NRG3: variants seen among roughly 807,000 people sequenced by gnomAD.
The protein encoded by NRG3 is neuregulin 3.
In NRG3, 31 loss-of-function variants were observed where a neutral mutation model predicts 66.9. That is an observed-to-expected ratio of 0.46 (90% CI 0.35 to 0.63). The LOEUF is 0.63. Among genes scored for constraint, NRG3 ranks in the 20% least tolerant of loss-of-function variants. NRG3 has a pLI of 0.00. For synonymous variants in NRG3, 393 were observed against 359.4 expected (o/e 1.09, Z -1.06); for missense variants, 910 against 878.9 (o/e 1.04, Z -0.45).
intron 1 of NRG3, among the ~76,000 whole-genome samples, chr10:81,913,265 C>T (rs985783764): frequency 2.0e-5 from 3 of 152,126 alleles, no homozygotes; most frequent in Admixed American, 6.5e-5. Context: ...TGTACTTCTC[C>T]TCCTCACCAC....
chr10:81,875,214 C>G lies in NRG3; in HGVS notation c.-127C>G. ...GGAGCGGATTTGCATGCGGCCGCCGCGGCCGCTGCCTGCGCCCGAGCCCGC... is the reference window on the plus strand; with the variant it reads ...GGAGCGGATTTGCATGCGGCCGCCGGGGCCGCTGCCTGCGCCCGAGCCCGC... On this transcript the variant is annotated 5_prime_UTR_variant, in exon 1 of 9. Transcript: ENST00000372141. This position sits in a 1 kb window ranked among gnomAD's most constrained non-coding sequence, Gnocchi z 5.3. The G allele has an allele frequency of 2.6e-6, 1 of 389,284 alleles. No homozygotes were observed. Among genetic ancestry groups the G allele is most frequent in the Non-Finnish European group, 3.5e-6 (1 of 288,198 alleles). The allele number at this position is 389,284 out of a possible 1,614,324, so 24.1% of individuals were successfully genotyped here.
chr10:82,312,368 C>G lies in NRG3; in HGVS notation c.824-46371C>G, dbSNP rs572012325. On this transcript the variant is annotated intron_variant, in intron 1 of 8. Coordinates refer to ENST00000372141, the MANE Select transcript of NRG3 (RefSeq NM_001010848.4). ...CTTGAGAAAGTGTCCAAGCAAGCAG[C>G]AAAACTTATCCCTAGAAAAACTCAT... 5.3e-5 allele frequency among the ~76,000 whole-genome samples: 8 copies of G among 152,194 alleles called. No individual in the cohort carries two copies. In the East Asian group the frequency reaches 1.2e-3, roughly 22 times the overall value.
intron 1 of NRG3, among the ~76,000 whole-genome samples, chr10:82,216,490 CTCTA>C (rs1373652374): frequency 7.9e-5 from 11 of 139,992 alleles, no homozygotes; most frequent in Admixed American, 1.4e-4. Flanking sequence ...GTGTATGTGT[CTCTA>C]TCTATACATA....
intron 3 of NRG3, among the ~76,000 whole-genome samples, chr10:82,843,455 C>T (rs2063159717): frequency 6.6e-6 from 1 of 152,170 alleles, no homozygotes; most frequent in East Asian, 1.9e-4. Flanking sequence ...TATTTCTATT[C>T]ATCGTAAATT....
At chr10:82,866,906 G>A (rs1173689376) in intron 4 of NRG3, among the ~76,000 whole-genome samples, 2 of 152,098 alleles carry the variant, frequency 1.3e-5, no homozygotes, top group African/African-American at 4.8e-5. Flanking sequence ...GGACTTGAGA[G>A]GACATAGTTT....
At chr10:81,945,768 C>A (rs753815781) in intron 1 of NRG3, among the ~76,000 whole-genome samples, 7 of 152,080 alleles carry the variant, frequency 4.6e-5, no homozygotes, top group African/African-American at 7.2e-5. Context: ...AAGATGAGGT[C>A]ATACTGGAGT....
chr10:82,176,575 T>C (rs974872678), intron 1 of NRG3, among the ~76,000 whole-genome samples: 17 of 152,130 alleles, frequency 1.1e-4, no homozygotes, highest in African/African-American at 3.4e-4. Context: ...ATTGAGCTGA[T>C]TGAACTCCTT....
At chr10:82,619,185 A>G (rs1168884824) in intron 2 of NRG3, among the ~76,000 whole-genome samples, 1 of 152,168 alleles carries the variant, frequency 6.6e-6, no homozygotes, top group African/African-American at 2.4e-5. Flanking sequence ...AATTGGACAT[A>G]TAATATTTAG....
chr10:82,869,180 T>TTG (rs145543060), intron 4 of NRG3, among the ~76,000 whole-genome samples: 8 of 152,000 alleles, frequency 5.3e-5, no homozygotes, highest in East Asian at 1.9e-4. Flanking sequence ...CTAGTTCTAT[T>TTG]TGTGTGTGTG....
At chr10:82,912,888 T>A (rs1436521209) in intron 4 of NRG3, among the ~76,000 whole-genome samples, 1 of 152,222 alleles carries the variant, frequency 6.6e-6, no homozygotes, top group Non-Finnish European at 1.5e-5. Context: ...AATCTATGCC[T>A]ACTTTCAAAT....
At chr10:82,226,239 C>T (rs994202397) in intron 1 of NRG3, among the ~76,000 whole-genome samples, 4 of 152,124 alleles carry the variant, frequency 2.6e-5, no homozygotes, top group African/African-American at 7.2e-5. Flanking sequence ...GACCAGTTTT[C>T]CTCACCAGGG....
Position 81,875,371 on chromosome 10 carries a change from C to T in NRG3, c.31C>T (p.Pro11Ser). 3.0e-6 allele frequency: 3 copies of T among 992,538 alleles called. No homozygotes were observed. Among genetic ancestry groups the T allele is most frequent in the Middle Eastern group, 4.6e-4 (1 of 2,192 alleles). The allele number at this position is 992,538 out of a possible 1,614,324, so 61.5% of individuals were successfully genotyped here. A position where few individuals can be genotyped will look rare whatever the true frequency, so the allele number is the denominator to read the frequency against. ...TGAAGGGGCGGCCGCTGCCTCGCCA[C>T]CTGGTGCCGCTTCGGCAGCCGCCGC... Reference protein sequence around the residue: MSEGAAAASPPGAASAAAASA... With the variant: MSEGAAAASPSGAASAAAASA... The change falls in exon 1 of 9, where the codon CCT (proline) becomes TCT (serine). Residue 11 changes from proline to serine, a missense_variant. Pro to Ser is a moderately conservative substitution (Grantham distance 74). Transcript: ENST00000372141. The surrounding 1 kb of genome is among the most constrained non-coding windows in gnomAD (Gnocchi z 5.3).
At chr10:82,390,767 A>G (rs761505009) in intron 2 of NRG3, among the ~76,000 whole-genome samples, 17 of 152,178 alleles carry the variant, frequency 1.1e-4, no homozygotes, top group Non-Finnish European at 2.4e-4. Context: ...AAATGGACTA[A>G]CTTTGCATTC....
chr10:82,350,012 A>T (rs1353876704), intron 1 of NRG3, among the ~76,000 whole-genome samples: 1 of 152,102 alleles, frequency 6.6e-6, no homozygotes, highest in East Asian at 1.9e-4. Context: ...GAAATGCGGA[A>T]ATCACCGTCT....
chr10:82,855,409 T>C (rs1321147717), intron 3 of NRG3, among the ~76,000 whole-genome samples: 3 of 152,094 alleles, frequency 2.0e-5, no homozygotes, highest in Non-Finnish European at 4.4e-5. Flanking sequence ...TGTGTGTCTT[T>C]TTTTTAAAGA....
intron 2 of NRG3, among the ~76,000 whole-genome samples, chr10:82,625,875 A>ATTTCC (rs1421293820): frequency 1.4e-4 from 21 of 152,184 alleles, no homozygotes; most frequent in Admixed American, 2.6e-4. Context: ...GGCATTTCAC[A>ATTTCC]TTTCCTTTCC....
At chr10:82,588,129 C>T (rs2046779133) in intron 2 of NRG3, among the ~76,000 whole-genome samples, 1 of 152,116 alleles carries the variant, frequency 6.6e-6, no homozygotes, top group Non-Finnish European at 1.5e-5. Flanking sequence ...TGAGCACAGG[C>T]CTACCCAGGA....
intron 1 of NRG3, among the ~76,000 whole-genome samples, chr10:81,915,155 A>G (rs1246169580): frequency 6.6e-6 from 1 of 152,178 alleles, no homozygotes; most frequent in African/African-American, 2.4e-5. Flanking sequence ...TTGTGGCAAC[A>G]CTGGGATGTG....
At chr10:81,927,812 C>T (rs375262031) in intron 1 of NRG3, among the ~76,000 whole-genome samples, 11 of 152,176 alleles carry the variant, frequency 7.2e-5, no homozygotes, top group African/African-American at 1.4e-4. Context: ...AGCCAGGATG[C>T]GAAGAGGGGT....
Sources: allele counts gnomAD v4.1 joint callset (sites outside exome capture counted in the v4.1 genomes callset), GRCh38; gene constraint gnomAD v4.1.1; non-coding constraint Gnocchi (gnomAD v3.1); transcripts MANE v1.5; gene names NCBI Gene and HGNC (gene_info 2026-07-23, HGNC 2026-07-21).